JAK1: variants seen among roughly 807,000 people sequenced by gnomAD.
JAK1 encodes the protein Janus kinase 1.
A neutral mutation model predicts 136.6 loss-of-function variants in JAK1; 16 were observed. That is an observed-to-expected ratio of 0.12 (90% CI 0.08 to 0.18). The LOEUF (loss-of-function observed/expected upper bound fraction) is 0.18. Among genes scored for constraint, JAK1 ranks in the 10% least tolerant of loss-of-function variants. The pLI is 1.00. For missense variants in JAK1, 859 were observed against 1,450.1 expected (o/e 0.59, Z 6.62); for synonymous variants, 492 against 519.5 (o/e 0.95, Z 0.72).
At position 64,833,338 on chromosome 1, in the gene JAK1, G is replaced by A. The variant is rs568965650; in HGVS notation, c.*1224C>T. ...ATGTAGGCTATGAACAAATTTAAATGGCAACTTCATTGCTGCCACTGAACC... is the reference window on the plus strand; with the variant it reads ...ATGTAGGCTATGAACAAATTTAAATAGCAACTTCATTGCTGCCACTGAACC... On this transcript the variant is annotated 3_prime_UTR_variant, in exon 25 of 25. Coordinates refer to ENST00000342505, the MANE Select transcript of JAK1 (RefSeq NM_002227.4). 1 of 232,644 alleles carries A rather than the reference G, an allele frequency of 4.3e-6. No homozygotes were observed. Among genetic ancestry groups the A allele is most frequent in the Non-Finnish European group, 8.5e-6 (1 of 117,432 alleles). 14.4% of individuals were successfully genotyped at this position (232,644 alleles called of 1,614,324 possible). A position where few individuals can be genotyped will look rare whatever the true frequency, so the allele number is the denominator to read the frequency against.
At chr1:65,041,361 A>G (rs1647131074) in intron 2 of JAK1, among the ~76,000 whole-genome samples, 1 of 152,248 alleles carries the variant, frequency 6.6e-6, no homozygotes. Flanking sequence ...TACATACACA[A>G]AGATGGAGTT....
chr1:64,865,729 A>G (rs1475996353), intron 7 of JAK1, among the ~76,000 whole-genome samples: 1 of 152,184 alleles, frequency 6.6e-6, no homozygotes, highest in Non-Finnish European at 1.5e-5. Context: ...CATGAGAATA[A>G]AACAGGAGGA....
intron 1 of JAK1, among the ~76,000 whole-genome samples, chr1:65,060,183 T>C (rs556912952): frequency 2.6e-5 from 4 of 151,436 alleles, no homozygotes; most frequent in Admixed American, 6.6e-5. Context: ...TTCTTGGAAA[T>C]AGTTGCACAT....
chr1:64,872,146 C>A (rs1156466408), intron 5 of JAK1, among the ~76,000 whole-genome samples: 5 of 152,134 alleles, frequency 3.3e-5, no homozygotes, highest in Non-Finnish European at 1.5e-5. Flanking sequence ...AGAGGAGAGT[C>A]GGCAATATTG....
chr1:64,967,907 G>C (rs1352905933), upstream of JAK1, among the ~76,000 whole-genome samples: 2 of 152,116 alleles, frequency 1.3e-5, no homozygotes, highest in Non-Finnish European at 2.9e-5. Context: ...TGTCTCATCT[G>C]CCACACTCTG....
chr1:64,912,600 C>G (rs1446061713), intron 1 of JAK1, among the ~76,000 whole-genome samples: 1 of 152,226 alleles, frequency 6.6e-6, no homozygotes, highest in East Asian at 1.9e-4. Flanking sequence ...CAATGCTAAT[C>G]ACTCTACATG....
intron 2 of JAK1, among the ~76,000 whole-genome samples, chr1:64,982,727 C>G (rs780868688): frequency 1.6e-4 from 25 of 151,980 alleles, no homozygotes; most frequent in Non-Finnish European, 3.2e-4. Flanking sequence ...CTTTAAATCT[C>G]AGTTTTTTAA....
chr1:65,044,970 A>G (rs1224113445), intron 1 of JAK1, among the ~76,000 whole-genome samples: 2 of 152,226 alleles, frequency 1.3e-5, no homozygotes, highest in Non-Finnish European at 2.9e-5. Context: ...GTGATTATAG[A>G]CTAGTAATGG....
At chr1:64,837,092 G>T (rs543969419) in intron 22 of JAK1, among the ~76,000 whole-genome samples, 4 of 152,282 alleles carry the variant, frequency 2.6e-5, no homozygotes, top group African/African-American at 9.6e-5. Flanking sequence ...GAATCTTTCA[G>T]GTTTCTTCTG....
At chr1:65,061,543 G>A (rs1488035564) in intron 1 of JAK1, among the ~76,000 whole-genome samples, 1 of 152,126 alleles carries the variant, frequency 6.6e-6, no homozygotes, top group Non-Finnish European at 1.5e-5. Context: ...TGGCCAAGCA[G>A]AATATTTGAA....
chr1:64,869,595 G>A (rs1348055954), intron 5 of JAK1, 121 bp from the exon 6 acceptor site: 1 of 740,158 alleles, frequency 1.4e-6, no homozygotes, highest in African/African-American at 1.8e-5. Flanking sequence ...CAGATTGGCA[G>A]TTTCTCTAGC....
intron 1 of JAK1, among the ~76,000 whole-genome samples, chr1:64,945,684 T>C (rs1281104363): frequency 6.6e-6 from 1 of 150,998 alleles, no homozygotes; most frequent in African/African-American, 2.4e-5. Context: ...CAAACAAAAA[T>C]GGGAGCAAAC....
chr1:64,987,837 A>G (rs1646614456), intron 2 of JAK1, among the ~76,000 whole-genome samples: 4 of 152,236 alleles, frequency 2.6e-5, no homozygotes. Flanking sequence ...GTTCTCACAG[A>G]AGATGGACTG....
intron 8 of JAK1, among the ~76,000 whole-genome samples, chr1:64,861,695 G>A (rs946524659): frequency 1.3e-5 from 2 of 152,182 alleles, no homozygotes; most frequent in African/African-American, 4.8e-5. Context: ...CAAGCCACTC[G>A]GCAGGAGGGA....
At chr1:65,066,263 G>C (rs891501670) in intron 1 of JAK1, among the ~76,000 whole-genome samples, 3 of 152,094 alleles carry the variant, frequency 2.0e-5, no homozygotes, top group African/African-American at 2.4e-5. Context: ...GCCAGGAGCC[G>C]GCGTCTCCGC....
chr1:64,976,075 G>T (rs1321201168), intron 2 of JAK1, among the ~76,000 whole-genome samples: 2 of 152,248 alleles, frequency 1.3e-5, no homozygotes, highest in South Asian at 2.1e-4. Context: ...CACTGGGAGT[G>T]ATGGTAAGTG....
intron 2 of JAK1, among the ~76,000 whole-genome samples, chr1:64,998,515 T>G (rs1646723820): frequency 6.6e-6 from 1 of 152,358 alleles, no homozygotes; most frequent in East Asian, 1.9e-4. Flanking sequence ...GAAACTGAAG[T>G]AATCTCTGGC....
chr1:65,046,434 G>A (rs1034574879), intron 1 of JAK1, among the ~76,000 whole-genome samples: 1 of 152,208 alleles, frequency 6.6e-6, no homozygotes, highest in Non-Finnish European at 1.5e-5. Context: ...ACCCACTGAG[G>A]AGTATAAGTA....
intron 2 of JAK1, among the ~76,000 whole-genome samples, chr1:64,988,985 T>TGC (rs1646627943): frequency 1.2e-5 from 1 of 86,560 alleles, no homozygotes; most frequent in Non-Finnish European, 2.1e-5. Flanking sequence ...TATGTATATG[T>TGC]GTGTGTGTGT....
Sources: allele counts gnomAD v4.1 joint callset (sites outside exome capture counted in the v4.1 genomes callset), GRCh38; gene constraint gnomAD v4.1.1; transcripts MANE v1.5; gene names NCBI Gene and HGNC (gene_info 2026-07-23, HGNC 2026-07-21).